The following ARHGEF26 variants were observed in gnomAD, a reference collection of about 807,000 sequenced individuals.
ARHGEF26 encodes the protein Rho guanine nucleotide exchange factor 26, also known as Rho guanine nucleotide exchange factor (GEF) 26.
ARHGEF26 carries 59 observed loss-of-function variants against 89.4 expected under a neutral mutation model. The observed-to-expected ratio is 0.66, with a 90% CI of 0.54 to 0.82. The LOEUF (loss-of-function observed/expected upper bound fraction) is 0.82, where lower values mean the gene tolerates loss of function less well. Among genes scored for constraint, ARHGEF26 ranks in the 40% least tolerant of loss-of-function variants. ARHGEF26 has a pLI of 0.00. For synonymous variants in ARHGEF26, 500 were observed against 428.4 expected, an observed-to-expected ratio of 1.17 and a Z score of -2.06; for missense variants, 1,234 against 1,085.6, an observed-to-expected ratio of 1.14 and a Z score of -1.92.
At chr3:154,160,422 C>T (rs1711587060) in intron 6 of ARHGEF26, among the ~76,000 whole-genome samples, 1 of 152,018 alleles carries the variant, frequency 6.6e-6, no homozygotes, top group African/African-American at 2.4e-5. Flanking sequence ...AACAGGAGGC[C>T]AGTTAAAGAT....
chr3:154,159,631 A>G, intron 6 of ARHGEF26, among the ~76,000 whole-genome samples: 1 of 152,144 alleles, frequency 6.6e-6, no homozygotes. Context: ...ACTTGCTTTA[A>G]TATTATTTTA....
Position 154,152,892 on chromosome 3 carries a change from C to G in ARHGEF26, c.1447C>G (p.Leu483Val). ...DTMTKTERHH[L>V]FSNITDVCEA... ...AATGACTAAAACCGAGAGGCACCAT[C>G]TTTTCTCCAATATTACAGATGTCTG... The change falls in exon 6 of 15, where the codon CTT becomes GTT. Residue 483 changes from leucine to valine, a missense_variant. Transcript: ENST00000465093. The G allele has an allele frequency of 6.3e-7, 1 of 1,599,418 alleles. No homozygotes were observed. Among genetic ancestry groups the G allele is most frequent in the Non-Finnish European group, 8.5e-7 (1 of 1,173,222 alleles).
intron 4 of ARHGEF26, among the ~76,000 whole-genome samples, chr3:154,148,403 T>A (rs1053874915): frequency 6.6e-5 from 10 of 152,238 alleles, no homozygotes; most frequent in Non-Finnish European, 1.2e-4. Context: ...ATTAATACTT[T>A]ACCTTTGTCA....
intron 4 of ARHGEF26, among the ~76,000 whole-genome samples, chr3:154,132,119 T>A (rs985786776): frequency 1.3e-5 from 2 of 152,220 alleles, no homozygotes; most frequent in Middle Eastern, 3.2e-3. Context: ...CACTTAGCAT[T>A]ACTTAGGCAC....
chr3:154,184,318 A>T (rs1713382383), intron 6 of ARHGEF26, among the ~76,000 whole-genome samples: 1 of 152,228 alleles, frequency 6.6e-6, no homozygotes, highest in Non-Finnish European at 1.5e-5. Context: ...ATTACAAAAC[A>T]GTTGGAGTTA....
At chr3:154,198,438 A>G (rs1197411385) in intron 9 of ARHGEF26, among the ~76,000 whole-genome samples, 1 of 152,186 alleles carries the variant, frequency 6.6e-6, no homozygotes, top group African/African-American at 2.4e-5. Flanking sequence ...TCATGTTTAT[A>G]GCAGCACAAT....
Position 154,148,664 on chromosome 3 carries a change from A to G in ARHGEF26, c.1270-725A>G, listed in dbSNP as rs972146586. ...CAGAGATTGTGGGCATGGCACCTGT[A>G]TATCCATCTGCCGGACTTTGGGTCA... On this transcript the variant is annotated intron_variant, in intron 4 of 14. Transcript: ENST00000465093. 3.3e-5 allele frequency among the ~76,000 whole-genome samples: 5 copies of G among 152,292 alleles called. No individual in the cohort carries two copies. The East Asian group carries it at 5.8e-4, about 18-fold the overall frequency.
At chr3:154,184,675 A>T (rs145802674) in intron 6 of ARHGEF26, among the ~76,000 whole-genome samples, 1 of 152,226 alleles carries the variant, frequency 6.6e-6, no homozygotes, top group East Asian at 1.9e-4. Flanking sequence ...TCCCACTACC[A>T]GGCTTTATTG....
At chr3:154,141,381 G>A (rs912896577) in intron 4 of ARHGEF26, among the ~76,000 whole-genome samples, 4 of 152,136 alleles carry the variant, frequency 2.6e-5, no homozygotes, top group East Asian at 1.9e-4. Flanking sequence ...CTTTGCCCCC[G>A]CTTAATAGGT....
intron 9 of ARHGEF26, among the ~76,000 whole-genome samples, chr3:154,200,018 CCTTTGTTG>C (rs1458344321): frequency 1.3e-5 from 2 of 151,854 alleles, no homozygotes; most frequent in African/African-American, 4.8e-5. Flanking sequence ...TTGTCTCTTC[CCTTTGTTG>C]ACTCTATACT....
intron 12 of ARHGEF26, among the ~76,000 whole-genome samples, chr3:154,249,483 TAA>T (rs779368499): frequency 2.6e-5 from 4 of 152,242 alleles, no homozygotes; most frequent in African/African-American, 4.8e-5. Context: ...ACATTTAAGT[TAA>T]AAGAGTCTCT....
chr3:154,218,079 A>C, intron 10 of ARHGEF26, 121 bp downstream of exon 10: 1 of 889,710 alleles, frequency 1.1e-6, no homozygotes. Flanking sequence ...TAAATTGCTA[A>C]GAGGGAGTAG....
chr3:154,176,889 T>C (rs1712854725), intron 6 of ARHGEF26, among the ~76,000 whole-genome samples: 1 of 152,190 alleles, frequency 6.6e-6, no homozygotes, highest in Admixed American at 6.6e-5. Flanking sequence ...AACAATCCTC[T>C]TGCCTCAGTC....
chr3:154,215,662 T>C (rs1173180405), intron 9 of ARHGEF26, among the ~76,000 whole-genome samples: 1 of 152,166 alleles, frequency 6.6e-6, no homozygotes, highest in African/African-American at 2.4e-5. Context: ...CAGTGTTTGC[T>C]GAAGGCTGGT....
At chr3:154,195,565 G>A (rs989040014) in intron 9 of ARHGEF26, among the ~76,000 whole-genome samples, 11 of 152,156 alleles carry the variant, frequency 7.2e-5, no homozygotes, top group African/African-American at 2.7e-4. Flanking sequence ...GATTGGGTGA[G>A]CACATTTCAG....
chr3:154,243,239 C>G (rs540458816), intron 12 of ARHGEF26, among the ~76,000 whole-genome samples: 1 of 152,180 alleles, frequency 6.6e-6, no homozygotes, highest in African/African-American at 2.4e-5. Flanking sequence ...CCAGAGAATT[C>G]TCAGAAACTA....
intron 9 of ARHGEF26, among the ~76,000 whole-genome samples, chr3:154,214,757 C>A (rs531922649): frequency 6.6e-6 from 1 of 152,182 alleles, no homozygotes; most frequent in Non-Finnish European, 1.5e-5. Flanking sequence ...TGGTATGGTG[C>A]TTGGGTTTCA....
In ARHGEF26 at chr3:154,254,709, T is replaced by G; in HGVS notation, c.2369-11T>G. The stretch of plus-strand genomic sequence containing the variant: ...CTACTGGAAACTTAGTATGTCCTCT[T>G]TTGGCCTCAGCACTGACCCAGGTGG... On this transcript the variant is annotated splice_polypyrimidine_tract_variant and intron_variant, in intron 13 of 14. Transcript: ENST00000465093. The G allele has an allele frequency of 6.2e-7, 1 of 1,612,094 alleles. No homozygotes were observed. Among genetic ancestry groups the G allele is most frequent in the African/African-American group, 1.3e-5 (1 of 74,998 alleles).
rs939475747 is a variant in ARHGEF26, at chr3:154,256,536, T to C, written c.*1063T>C. ...GCATGAGCCACCGTGCCCAGCCTACTTTCTAATTAATTAAAAAAAAAAAAA... is the reference window on the plus strand; with the variant it reads ...GCATGAGCCACCGTGCCCAGCCTACCTTCTAATTAATTAAAAAAAAAAAAA... On this transcript the variant is annotated 3_prime_UTR_variant, in exon 15 of 15. Transcript: ENST00000465093. The C allele has an allele frequency of 1.0e-5, 10 of 959,506 alleles. No homozygotes were observed. The highest frequency in any genetic ancestry group is 3.8e-5 in the African/African-American group (2 of 52,158). 59.4% of individuals were successfully genotyped at this position (959,506 alleles called of 1,614,324 possible). A position where few individuals can be genotyped will look rare whatever the true frequency, so the allele number is the denominator to read the frequency against.
Sources: allele counts gnomAD v4.1 joint callset (sites outside exome capture counted in the v4.1 genomes callset), GRCh38; gene constraint gnomAD v4.1.1; transcripts MANE v1.5; gene names NCBI Gene and HGNC (gene_info 2026-07-23, HGNC 2026-07-21).